The following RANBP2 variants were observed in gnomAD, a reference collection of about 807,000 sequenced individuals.
The protein encoded by RANBP2 is RAN binding protein 2.
In RANBP2, 57 loss-of-function variants were observed where a neutral mutation model predicts 303.6. That is an observed-to-expected ratio of 0.19 (90% CI 0.15 to 0.23). The LOEUF (loss-of-function observed/expected upper bound fraction) is 0.23. RANBP2 is among the 10% of genes least tolerant of loss of function. RANBP2 has a pLI of 1.00. For missense variants in RANBP2, 3,138 were observed against 3,780.8 expected (o/e 0.83, Z 4.46); for synonymous variants, 1,167 against 1,301.5 (o/e 0.90, Z 2.23).
chr2:109,052,550 A>G, the RANBP2 span, among the ~76,000 whole-genome samples: 3 of 152,246 alleles, frequency 2.0e-5, no homozygotes, highest in East Asian at 5.8e-4. Context: ...TGGGGCAAAT[A>G]TGGTAAAAGG....
At chr2:109,625,290 A>T in the RANBP2 span, among the ~76,000 whole-genome samples, 2 of 152,040 alleles carry the variant, frequency 1.3e-5, no homozygotes, top group African/African-American at 4.8e-5. Flanking sequence ...GGAACAACCC[A>T]AATAGCCAAC....
the RANBP2 span, among the ~76,000 whole-genome samples, chr2:109,385,328 A>G: frequency 6.6e-6 from 1 of 152,234 alleles, no homozygotes. Context: ...ACTTAATTGT[A>G]GTTTGGGGGC....
the RANBP2 span, among the ~76,000 whole-genome samples, chr2:108,932,766 A>G: frequency 0.03 from 4,554 of 152,234 alleles, 145 homozygotes; most frequent in African/African-American, 0.078. Context: ...TGCCAAGTAC[A>G]TATGTGTTTT....
the RANBP2 span, among the ~76,000 whole-genome samples, chr2:109,365,051 A>AAAACAAACAAACAAACAAAC: frequency 6.6e-5 from 10 of 151,602 alleles, no homozygotes; most frequent in African/African-American, 2.4e-4. Context: ...ACACACATAT[A>AAAACAAACAAACAAACAAAC]AAACAAACAA....
chr2:109,431,005 A>C, the RANBP2 span, among the ~76,000 whole-genome samples: 9 of 152,256 alleles, frequency 5.9e-5, no homozygotes, highest in Admixed American at 5.2e-4. Context: ...AAAGGGGGGC[A>C]GATTTCATAT....
At chr2:109,008,875 G>T in the RANBP2 span, among the ~76,000 whole-genome samples, 13 of 150,660 alleles carry the variant, frequency 8.6e-5, no homozygotes, top group African/African-American at 3.2e-4. Flanking sequence ...CTCCAGCCTG[G>T]GTGACAGAGC....
the RANBP2 span, among the ~76,000 whole-genome samples, chr2:109,565,561 G>C: frequency 6.6e-6 from 1 of 152,146 alleles, no homozygotes; most frequent in Non-Finnish European, 1.5e-5. Flanking sequence ...AGGGTACCGT[G>C]GGGGCGGGGG....
chr2:109,032,394 T>A, the RANBP2 span, among the ~76,000 whole-genome samples: 1 of 152,182 alleles, frequency 6.6e-6, no homozygotes, highest in Non-Finnish European at 1.5e-5. Context: ...ACCTCAGTCC[T>A]TTCAAGCACC....
At chr2:109,246,428 C>T in the RANBP2 span, among the ~76,000 whole-genome samples, 5 of 152,164 alleles carry the variant, frequency 3.3e-5, no homozygotes, top group South Asian at 4.1e-4. Flanking sequence ...TCCACCCTCA[C>T]GATCCGGTCA....
At chr2:109,401,706 C>T in the RANBP2 span, among the ~76,000 whole-genome samples, 18 of 152,320 alleles carry the variant, frequency 1.2e-4, no homozygotes, top group Admixed American at 8.5e-4. Flanking sequence ...GCTCAGCACA[C>T]ACAGGTACAG....
At chr2:109,437,366 A>G in the RANBP2 span, among the ~76,000 whole-genome samples, 1 of 151,790 alleles carries the variant, frequency 6.6e-6, no homozygotes, top group South Asian at 2.1e-4. Context: ...GAAGGTAAGC[A>G]CATCTTGTCA....
chr2:109,203,590 C>T, the RANBP2 span, among the ~76,000 whole-genome samples: 1 of 152,142 alleles, frequency 6.6e-6, no homozygotes, highest in Admixed American at 6.5e-5. Flanking sequence ...CTCTCTGGAA[C>T]ACTGTTCTCC....
the RANBP2 span, chr2:108,897,271 G>T: frequency 6.5e-7 from 1 of 1,546,784 alleles, no homozygotes; most frequent in South Asian, 1.1e-5. Context: ...GCAAGTCACA[G>T]TCAATAGAAG....
chr2:108,788,597 G>C (rs898301847), downstream of RANBP2, among the ~76,000 whole-genome samples: 1 of 151,748 alleles, frequency 6.6e-6, no homozygotes, highest in Admixed American at 6.6e-5. Context: ...GCGGGCTCCT[G>C]TAGTCCCGGC....
the RANBP2 span, among the ~76,000 whole-genome samples, chr2:109,358,927 T>G: frequency 6.6e-6 from 1 of 152,228 alleles, no homozygotes; most frequent in African/African-American, 2.4e-5. Context: ...ATTTTACATT[T>G]AGGTCTGTGA....
At chr2:108,910,620 C>A in the RANBP2 span, 1 of 1,395,796 alleles carries the variant, frequency 7.2e-7, no homozygotes, top group Non-Finnish European at 1.0e-6. Context: ...TCCTGTTGGG[C>A]AGAGCTGCCC....
chr2:109,122,978 A>C, the RANBP2 span, among the ~76,000 whole-genome samples: 1 of 152,210 alleles, frequency 6.6e-6, no homozygotes, highest in African/African-American at 2.4e-5. Flanking sequence ...TGTCTTAGGC[A>C]GCCTCGGTAA....
At chr2:108,904,980 ATC>A in the RANBP2 span, among the ~76,000 whole-genome samples, 3 of 152,186 alleles carry the variant, frequency 2.0e-5, no homozygotes, top group African/African-American at 7.2e-5. Context: ...GGCATGTAGG[ATC>A]TCTCTGTATT....
chr2:109,375,711 T>G, the RANBP2 span, among the ~76,000 whole-genome samples: 1 of 152,344 alleles, frequency 6.6e-6, no homozygotes, highest in East Asian at 1.9e-4. Flanking sequence ...CTCTGTGGCA[T>G]GAGTGCCGGG....
Sources: allele counts gnomAD v4.1 joint callset (sites outside exome capture counted in the v4.1 genomes callset), GRCh38; gene constraint gnomAD v4.1.1; transcripts MANE v1.5; gene names NCBI Gene and HGNC (gene_info 2026-07-23, HGNC 2026-07-21).